Variants in ABLIM1 observed in about 807,000 individuals in gnomAD.
ABLIM1 encodes actin-binding LIM protein 1.
In ABLIM1, 40 loss-of-function variants were observed where a neutral mutation model predicts 107.0. That is an observed-to-expected ratio of 0.37 (90% CI 0.29 to 0.49). The LOEUF (loss-of-function observed/expected upper bound fraction) is 0.49, where lower values mean the gene tolerates loss of function less well. ABLIM1 is among the 20% of genes least tolerant of loss of function. The pLI is 0.97. For missense variants in ABLIM1, 857 were observed against 1,008.5 expected, an observed-to-expected ratio of 0.85 and a Z score of 2.04; for synonymous variants, 357 against 357.3, an observed-to-expected ratio of 1.00 and a Z score of 0.01.
In ABLIM1 at chr10:114,434,323, A is replaced by AC. The variant is rs1360986807; in HGVS notation, c.*1936dup. ...CACACACACACACACACACACACAC[A>AC]CACACACGAGAGTAGTCCTCATTCA... is the stretch of plus-strand genomic sequence containing the variant. On this transcript the variant is annotated 3_prime_UTR_variant, in exon 23 of 23. Coordinates refer to ENST00000533213, the MANE Select transcript of ABLIM1 (RefSeq NM_002313.7). 2 of 136,214 alleles carry AC rather than the reference A, an allele frequency of 1.5e-5. No homozygotes were observed. The highest frequency in any genetic ancestry group is 1.5e-4 in the Admixed American group (2 of 12,956). 8.4% of individuals were successfully genotyped at this position (136,214 alleles called of 1,614,324 possible).
chr10:114,704,335 T>TATATATACATCTCACG (rs3061769), intron 1 of ABLIM1, among the ~76,000 whole-genome samples: 1 of 83,388 alleles, frequency 1.2e-5, no homozygotes, highest in Non-Finnish European at 2.5e-5. Flanking sequence ...TATATATATA[T>TATATATACATCTCACG]TGCGCGCGTT....
intron 1 of ABLIM1, among the ~76,000 whole-genome samples, chr10:114,605,567 T>C (rs991664073): frequency 2.0e-5 from 3 of 152,202 alleles, no homozygotes; most frequent in Non-Finnish European, 4.4e-5. Context: ...CTGTACTGAC[T>C]AGTCAATGAT....
At position 114,623,125 on chromosome 10, in the gene ABLIM1, A is replaced by G. The variant is rs552728152; in HGVS notation, c.245-21164T>C. Among the ~76,000 whole-genome samples, 13 of 152,220 alleles carry G rather than the reference A, an allele frequency of 8.5e-5. No homozygotes were observed. In the South Asian group the frequency reaches 2.7e-3, roughly 32 times the overall value. ...CAGGCATGCATCACCATGCCTGGCT[A>G]ATTTTTGTATTGTTAATGAACTTTT... On this transcript the variant is annotated intron_variant, in intron 1 of 22. Transcript: ENST00000533213.
intron 1 of ABLIM1, among the ~76,000 whole-genome samples, chr10:114,736,801 C>A (rs1294828274): frequency 1.3e-5 from 2 of 152,188 alleles, no homozygotes; most frequent in African/African-American, 4.8e-5. Flanking sequence ...AGAGGGCACA[C>A]CTGCACAGCC....
intron 6 of ABLIM1, among the ~76,000 whole-genome samples, chr10:114,530,723 G>A (rs1185698840): frequency 6.6e-6 from 1 of 152,030 alleles, no homozygotes; most frequent in African/African-American, 2.4e-5. Context: ...TAGTAGAGAC[G>A]GGGTTTTGCC....
At chr10:114,716,410 A>AACACACACACACACAC (rs56097544) in intron 1 of ABLIM1, among the ~76,000 whole-genome samples, 4 of 143,534 alleles carry the variant, frequency 2.8e-5, no homozygotes, top group African/African-American at 1.0e-4. Context: ...GGTAGAGAGA[A>AACACACACACACACAC]ACACACACAC....
At chr10:114,691,761 T>C (rs2081083811) in intron 1 of ABLIM1, among the ~76,000 whole-genome samples, 1 of 152,214 alleles carries the variant, frequency 6.6e-6, no homozygotes, top group Non-Finnish European at 1.5e-5. Context: ...CCACATTCAT[T>C]ACCATTTTCA....
chr10:114,634,333 C>G, intron 1 of ABLIM1, among the ~76,000 whole-genome samples: 1 of 150,484 alleles, frequency 6.6e-6, no homozygotes, highest in Non-Finnish European at 1.5e-5. Context: ...GGGGTTTCAC[C>G]TTGTTAGCCA....
intron 10 of ABLIM1, among the ~76,000 whole-genome samples, chr10:114,468,444 T>G (rs1161225707): frequency 6.6e-6 from 1 of 152,088 alleles, no homozygotes; most frequent in Non-Finnish European, 1.5e-5. Flanking sequence ...CAGCTACTTT[T>G]TTTGTATTTT....
chr10:114,481,766 A>T (rs1247272155), intron 8 of ABLIM1, among the ~76,000 whole-genome samples: 1 of 152,202 alleles, frequency 6.6e-6, no homozygotes, highest in Admixed American at 6.5e-5. Context: ...GATGAACTGT[A>T]AAGACACACT....
At chr10:114,448,086 C>T (rs1043951977) in intron 14 of ABLIM1, 66 bp from the exon 15 acceptor site, 12 of 1,591,810 alleles carry the variant, frequency 7.5e-6, no homozygotes, top group Admixed American at 1.7e-5. Context: ...GGTACAACCC[C>T]ACTTACATAG....
chr10:114,657,398 C>T (rs1282894326), intron 1 of ABLIM1, among the ~76,000 whole-genome samples: 4 of 152,226 alleles, frequency 2.6e-5, no homozygotes, highest in African/African-American at 9.6e-5. Context: ...GCCTTCTCCA[C>T]CTCTTTCCCA....
chr10:114,466,416 C>T (rs998527752), intron 11 of ABLIM1, among the ~76,000 whole-genome samples: 1 of 152,010 alleles, frequency 6.6e-6, no homozygotes, highest in Non-Finnish European at 1.5e-5. Context: ...TTGTACTTTT[C>T]CGTTTCATAA....
chr10:114,497,462 G>A (rs1268675622), intron 6 of ABLIM1, among the ~76,000 whole-genome samples: 2 of 152,010 alleles, frequency 1.3e-5, no homozygotes, highest in Admixed American at 1.3e-4. Context: ...GGCAGATCAC[G>A]AGGTCAGGAG....
intron 12 of ABLIM1, among the ~76,000 whole-genome samples, chr10:114,454,186 AC>A (rs1399277655): frequency 6.6e-6 from 1 of 152,212 alleles, no homozygotes; most frequent in Non-Finnish European, 1.5e-5. Flanking sequence ...TTGAACACCT[AC>A]TATGGCTGGG....
At chr10:114,513,188 A>G (rs1174651369) in intron 6 of ABLIM1, among the ~76,000 whole-genome samples, 2 of 152,220 alleles carry the variant, frequency 1.3e-5, no homozygotes, top group Non-Finnish European at 2.9e-5. Flanking sequence ...CAATCTGCTG[A>G]AAATTCATTT....
At chr10:114,575,657 C>T (rs1591332606) in intron 2 of ABLIM1, 58 bp from the exon 3 acceptor site, 4 of 1,546,300 alleles carry the variant, frequency 2.6e-6, no homozygotes, top group South Asian at 2.4e-5. Flanking sequence ...GGCAGCACTG[C>T]CTTTGAGTGA....
At chr10:114,778,915 T>A in the ABLIM1 span, 2 of 152,194 alleles carry the variant, frequency 1.3e-5, no homozygotes, top group African/African-American at 4.8e-5. Context: ...AGCAGAAATG[T>A]TGCCTCACTG....
chr10:114,456,959 T>C (rs1358990399), intron 12 of ABLIM1, among the ~76,000 whole-genome samples: 1 of 151,994 alleles, frequency 6.6e-6, no homozygotes, highest in African/African-American at 2.4e-5. Context: ...AACACTACTT[T>C]GTTCAAATTT....
Sources: gnomAD v4.1 joint callset for allele counts (sites outside exome capture counted in the v4.1 genomes callset) on GRCh38, gnomAD v4.1.1 for gene constraint, MANE v1.5 for transcripts, NCBI Gene and HGNC (gene_info 2026-07-23, HGNC 2026-07-21) for gene names.